SFMBT2: variants seen among roughly 807,000 people sequenced by gnomAD.
SFMBT2 encodes scm-like with four MBT domains protein 2.
Under a neutral mutation model 110.1 loss-of-function variants are expected in SFMBT2, and 38 were observed. The ratio of observed to expected loss-of-function variants is 0.35; its 90% CI spans 0.27 to 0.45. SFMBT2 has a LOEUF of 0.45. SFMBT2 is among the 20% of genes least tolerant of loss of function. The pLI is 1.00. For missense variants in SFMBT2, 1,011 were observed against 1,094.9 expected, an observed-to-expected ratio of 0.92 and a Z score of 1.08; for synonymous variants, 425 against 425.4, an observed-to-expected ratio of 1.00 and a Z score of 0.01.
intron 4 of SFMBT2, among the ~76,000 whole-genome samples, chr10:7,344,446 T>C (rs906794253): frequency 6.6e-6 from 1 of 152,218 alleles, no homozygotes. Context: ...CCTGCCACCA[T>C]GTAAGACGTG....
chr10:7,372,710 G>A (rs1198407592), intron 2 of SFMBT2, among the ~76,000 whole-genome samples: 2 of 152,204 alleles, frequency 1.3e-5, no homozygotes, highest in Non-Finnish European at 2.9e-5. Context: ...ACGGCACTGG[G>A]CACCTCTTAC....
chr10:7,229,386 C>T (rs1840044180), intron 9 of SFMBT2, among the ~76,000 whole-genome samples: 2 of 152,056 alleles, frequency 1.3e-5, no homozygotes, highest in African/African-American at 4.8e-5. Flanking sequence ...CAAGACCAGC[C>T]TGGCCAAGAT....
At chr10:7,391,392 G>A (rs1307921694) in intron 1 of SFMBT2, among the ~76,000 whole-genome samples, 4 of 151,666 alleles carry the variant, frequency 2.6e-5, no homozygotes, top group Non-Finnish European at 5.9e-5. Flanking sequence ...CTTGAACCCA[G>A]GAGGTGGAGG....
At chr10:7,365,976 T>C (rs1171023290) in intron 4 of SFMBT2, among the ~76,000 whole-genome samples, 1 of 152,102 alleles carries the variant, frequency 6.6e-6, no homozygotes, top group Admixed American at 6.5e-5. Context: ...CAATTAGATC[T>C]TAAAAAAGAA....
chr10:7,175,584 G>C (rs891867879), intron 17 of SFMBT2, among the ~76,000 whole-genome samples: 7 of 152,192 alleles, frequency 4.6e-5, no homozygotes, highest in African/African-American at 1.4e-4. Flanking sequence ...GTATCAAGAA[G>C]GGCAATGAAA....
At chr10:7,298,342 C>T (rs902978593) in intron 4 of SFMBT2, among the ~76,000 whole-genome samples, 2 of 152,174 alleles carry the variant, frequency 1.3e-5, no homozygotes, top group Admixed American at 6.5e-5. Flanking sequence ...ACCCTGTGCA[C>T]GTGATCTAGT....
At position 7,182,762 on chromosome 10, in the gene SFMBT2, T is replaced by C. The variant is rs60733724; in HGVS notation, c.1808+5862A>G. 5.9e-3 allele frequency among the ~76,000 whole-genome samples: 898 copies of C among 151,356 alleles called. 8 individuals carry two copies. Among genetic ancestry groups the C allele is most frequent in the African/African-American group, 0.021 (863 of 41,152 alleles). ...GGATAGCATTAGGAGATATACCTAA[T>C]GTTAAATGATGAGTTAATGGGTGCA... On this transcript the variant is annotated intron_variant, in intron 16 of 20. Transcript: ENST00000397167.
intron 4 of SFMBT2, among the ~76,000 whole-genome samples, chr10:7,365,583 C>T (rs370487991): frequency 5.8e-4 from 89 of 152,332 alleles, no homozygotes; most frequent in African/African-American, 2.0e-3. Flanking sequence ...TCTAAATGTC[C>T]ACCCACTGAT....
intron 7 of SFMBT2, among the ~76,000 whole-genome samples, chr10:7,275,657 C>T (rs915126582): frequency 6.6e-6 from 1 of 152,294 alleles, no homozygotes; most frequent in South Asian, 2.1e-4. Context: ...AGCCCCCAAA[C>T]ACTGTAAAAA....
At chr10:7,216,016 A>G (rs1839523090) in intron 11 of SFMBT2, among the ~76,000 whole-genome samples, 1 of 152,184 alleles carries the variant, frequency 6.6e-6, no homozygotes, top group South Asian at 2.1e-4. Context: ...AAACTCTGCT[A>G]ACTGCTTTAA....
At chr10:7,183,605 T>TG (rs1176398317) in intron 16 of SFMBT2, among the ~76,000 whole-genome samples, 1 of 152,164 alleles carries the variant, frequency 6.6e-6, no homozygotes, top group Admixed American at 6.5e-5. Flanking sequence ...ATTCCCTCTT[T>TG]GGGGGCAGCT....
chr10:7,331,387 G>A (rs1843554007), intron 4 of SFMBT2, among the ~76,000 whole-genome samples: 1 of 152,230 alleles, frequency 6.6e-6, no homozygotes, highest in African/African-American at 2.4e-5. Context: ...AATCCTGAAA[G>A]ACAACCTTTA....
At chr10:7,353,600 A>T (rs1234640418) in intron 4 of SFMBT2, among the ~76,000 whole-genome samples, 1 of 152,132 alleles carries the variant, frequency 6.6e-6, no homozygotes, top group African/African-American at 2.4e-5. Flanking sequence ...CCCATACAAG[A>T]ATCTTGAAGA....
At chr10:7,343,549 C>G (rs1843996832) in intron 4 of SFMBT2, among the ~76,000 whole-genome samples, 1 of 152,002 alleles carries the variant, frequency 6.6e-6, no homozygotes, top group Admixed American at 6.5e-5. Flanking sequence ...TCGCCAGCAT[C>G]TGTTATTTTG....
In SFMBT2 at chr10:7,310,257, G is replaced by A. The variant is rs1023018653; in HGVS notation, c.437-24303C>T. Among the ~76,000 whole-genome samples the A allele has an allele frequency of 1.1e-4, 16 of 152,338 alleles. No homozygotes were observed. The East Asian group carries it at 2.7e-3, about 26-fold the overall frequency. ...CTCTCCGACAAGGACACATCATGCTGTCCCACGCCAGAGGGGAAATGCCCA... is the reference window on the plus strand; with the variant it reads ...CTCTCCGACAAGGACACATCATGCTATCCCACGCCAGAGGGGAAATGCCCA... On this transcript the variant is annotated intron_variant, in intron 4 of 20. Coordinates refer to ENST00000397167, the MANE Select transcript of SFMBT2 (RefSeq NM_001387889.1).
Position 7,333,375 on chromosome 10 carries a change from A to G in SFMBT2, c.436+34274T>C, listed in dbSNP as rs140892893. On this transcript the variant is annotated intron_variant, in intron 4 of 20. Coordinates refer to ENST00000397167, the MANE Select transcript of SFMBT2 (RefSeq NM_001387889.1). ...CCTAGTAAATATCTGGTGGATGAGG[A>G]TAACTTTGAGGCTTACCTTTTTTTT... Among the ~76,000 whole-genome samples the G allele has an allele frequency of 4.3e-3, 652 of 150,816 alleles. 4 individuals are homozygous for G. The highest frequency in any genetic ancestry group is 8.1e-3 in the Non-Finnish European group (549 of 67,786).
At chr10:7,395,135 A>G (rs1845888415) in intron 1 of SFMBT2, among the ~76,000 whole-genome samples, 1 of 152,210 alleles carries the variant, frequency 6.6e-6, no homozygotes, top group Admixed American at 6.5e-5. Flanking sequence ...TCTGGCCAAC[A>G]TAATGAAACC....
At chr10:7,366,230 T>C (rs967926081) in intron 4 of SFMBT2, among the ~76,000 whole-genome samples, 1 of 152,118 alleles carries the variant, frequency 6.6e-6, no homozygotes, top group African/African-American at 2.4e-5. Flanking sequence ...CCTTTTTCTC[T>C]TTCTTTGGAG....
chr10:7,373,579 C>T (rs1289758099), intron 2 of SFMBT2, among the ~76,000 whole-genome samples: 1 of 152,120 alleles, frequency 6.6e-6, no homozygotes, highest in African/African-American at 2.4e-5. Flanking sequence ...AGCTGGAGCT[C>T]TTATGAAGTA....
Sources: allele counts gnomAD v4.1 joint callset (sites outside exome capture counted in the v4.1 genomes callset), GRCh38; gene constraint gnomAD v4.1.1; transcripts MANE v1.5; gene names NCBI Gene and HGNC (gene_info 2026-07-23, HGNC 2026-07-21).